The following CDC27 variants were observed in gnomAD, a reference collection of about 807,000 sequenced individuals.
CDC27 encodes the protein cell division cycle protein 27 homolog.
In CDC27, 27 loss-of-function variants were observed where a neutral mutation model predicts 109.7. That is an observed-to-expected ratio of 0.25 (90% CI 0.18 to 0.34). The LOEUF (loss-of-function observed/expected upper bound fraction) is 0.34. Among genes scored for constraint, CDC27 ranks in the 10% least tolerant of loss-of-function variants. CDC27 has a pLI of 1.00. For synonymous variants in CDC27, 266 were observed against 333.9 expected (o/e 0.80, Z 2.22); for missense variants, 579 against 960.2 (o/e 0.60, Z 5.25).
chr17:47,143,097 C>T (rs2062848299), intron 10 of CDC27, among the ~76,000 whole-genome samples: 1 of 152,030 alleles, frequency 6.6e-6, no homozygotes, highest in African/African-American at 2.4e-5. Flanking sequence ...CACAGCCTCC[C>T]AAGCAGCTGG....
At chr17:47,152,993 A>G (rs1288713326) in intron 8 of CDC27, among the ~76,000 whole-genome samples, 1 of 152,160 alleles carries the variant, frequency 6.6e-6, no homozygotes, top group African/African-American at 2.4e-5. Context: ...CTCTATGACT[A>G]ACTTTCTACT....
chr17:47,139,123 C>T (rs949279162), intron 12 of CDC27, among the ~76,000 whole-genome samples: 1 of 152,064 alleles, frequency 6.6e-6, no homozygotes, highest in South Asian at 2.1e-4. Flanking sequence ...ATGGTAAGAA[C>T]ATGAACTCTG....
chr17:47,166,010 T>C (rs2063632541), intron 4 of CDC27, among the ~76,000 whole-genome samples: 1 of 152,248 alleles, frequency 6.6e-6, no homozygotes. Context: ...GTGGAATTAC[T>C]GGCTCAAATA....
chr17:47,135,919 T>A (rs1287460134), intron 14 of CDC27, among the ~76,000 whole-genome samples: 1 of 152,028 alleles, frequency 6.6e-6, no homozygotes, highest in Non-Finnish European at 1.5e-5. Flanking sequence ...AGTGGGTGGA[T>A]CATGAGGTCA....
At position 47,124,256 on chromosome 17, in the gene CDC27, C is replaced by CTATCT. The variant is rs1555780287; in HGVS notation, c.2161-297_2161-296insAGATA. Among the ~76,000 whole-genome samples the CTATCT allele has an allele frequency of 5.4e-5, 8 of 148,282 alleles. No homozygotes were observed. The East Asian group carries it at 7.9e-4, about 15-fold the overall frequency. On this transcript the variant is annotated intron_variant, in intron 16 of 18. Transcript: ENST00000066544. The stretch of plus-strand genomic sequence containing the variant: ...GGTGGTAACAATCCTTGCTTTTGGT[C>CTATCT]ATCTATCTATCTATCTATCTATCTA...
Position 47,129,541 on chromosome 17 carries a change from T to A in CDC27, c.2032-20A>T. 1 of 1,555,658 alleles carries A rather than the reference T, an allele frequency of 6.4e-7. No homozygotes were observed. The highest frequency in any genetic ancestry group is 1.2e-5 in the South Asian group (1 of 86,024). ...TTGAACCTGTAAGAAATAAAGATCA[T>A]GTTAATACTCCCTCTTGATATTTAT... is the stretch of plus-strand genomic sequence containing the variant. On this transcript the variant is annotated intron_variant, in intron 15 of 18. Transcript: ENST00000066544.
At chr17:47,162,941 T>C (rs1366649568) in intron 4 of CDC27, among the ~76,000 whole-genome samples, 2 of 152,148 alleles carry the variant, frequency 1.3e-5, no homozygotes, top group African/African-American at 4.8e-5. Context: ...GGTGTGGAAT[T>C]ATAATAATCT....
chr17:47,150,112 A>G (rs1408599937), intron 9 of CDC27, among the ~76,000 whole-genome samples: 1 of 152,252 alleles, frequency 6.6e-6, no homozygotes, highest in Non-Finnish European at 1.5e-5. Flanking sequence ...GAGGAGCACG[A>G]AAGTATACTA....
Position 47,151,896 on chromosome 17 carries a change from G to A in CDC27, c.980C>T (p.Thr327Ile), listed in dbSNP as rs745450296. 6.2e-7 allele frequency: 1 copy of A among 1,606,410 alleles called. No individual in the cohort carries two copies. ...CTGTGAGAAGACAGACTTTGTTCCA[G>A]TTTGGCCGATTCTGGCAACAGACTG... Reference protein sequence around the residue: ...SKKSVARIGQTGTKSVFSQSG... With the variant: ...SKKSVARIGQIGTKSVFSQSG... The change falls in exon 9 of 19, where the codon ACT (threonine) becomes ATT (isoleucine). Residue 327 changes from threonine to isoleucine, a missense_variant. Thr to Ile is a moderately conservative substitution (Grantham distance 89). Coordinates refer to ENST00000066544, the MANE Select transcript of CDC27 (RefSeq NM_001256.6).
chr17:47,179,544 G>A (rs1196460184), intron 2 of CDC27, among the ~76,000 whole-genome samples: 1 of 152,122 alleles, frequency 6.6e-6, no homozygotes, highest in African/African-American at 2.4e-5. Flanking sequence ...TATTTGATAG[G>A]ATTATTGAAG....
At chr17:47,125,448 T>C (rs1319986045) in intron 16 of CDC27, among the ~76,000 whole-genome samples, 2 of 150,388 alleles carry the variant, frequency 1.3e-5, no homozygotes, top group Admixed American at 6.7e-5. Flanking sequence ...GGTTTCACCA[T>C]ATTGGCCAGC....
At chr17:47,147,830 GT>G in intron 9 of CDC27, among the ~76,000 whole-genome samples, 1 of 147,626 alleles carries the variant, frequency 6.8e-6, no homozygotes, top group Non-Finnish European at 1.5e-5. Flanking sequence ...GAGCCAAGGA[GT>G]TTGAGGCTAC....
intron 15 of CDC27, 65 bp from the exon 16 acceptor site, chr17:47,129,586 C>T (rs139863906): frequency 2.2e-5 from 26 of 1,185,282 alleles, no homozygotes; most frequent in African/African-American, 2.0e-4. Context: ...TGAGAACCAA[C>T]GTGACTCAAA....
At chr17:47,142,050 A>G in intron 11 of CDC27, 25 bp from the exon 12 acceptor site, 1 of 1,533,454 alleles carries the variant, frequency 6.5e-7, no homozygotes, top group Non-Finnish European at 8.8e-7. Flanking sequence ...CATAGTAAAC[A>G]AAGGAAAAAA....
chr17:47,153,217 G>C (rs1297901769), intron 8 of CDC27, among the ~76,000 whole-genome samples: 3 of 152,194 alleles, frequency 2.0e-5, no homozygotes, highest in Non-Finnish European at 4.4e-5. Context: ...ACTTTTCTGG[G>C]AATGTCTTGT....
intron 2 of CDC27, among the ~76,000 whole-genome samples, chr17:47,173,830 T>G (rs1443678089): frequency 6.6e-6 from 1 of 152,196 alleles, no homozygotes; most frequent in Non-Finnish European, 1.5e-5. Flanking sequence ...TGGTGGCTCA[T>G]GCCTGTAATC....
At chr17:47,179,003 T>C (rs1171486519) in intron 2 of CDC27, among the ~76,000 whole-genome samples, 2 of 152,168 alleles carry the variant, frequency 1.3e-5, no homozygotes, top group Non-Finnish European at 2.9e-5. Context: ...GGTTTCTCCA[T>C]GTTGGTCAGG....
rs560753796 is a variant in CDC27 at position 47,148,738 on chromosome 17, A to G, written c.1070+3068T>C. Among the ~76,000 whole-genome samples the G allele has an allele frequency of 2.6e-5, 4 of 152,324 alleles. No individual in the cohort carries two copies. In the East Asian group the frequency reaches 7.7e-4, roughly 29 times the overall value. ...GACAGCAGATTTCTTGTCAGAAACA[A>G]TATAAGCCAAAAAACCAGTAAAGCA... On this transcript the variant is annotated intron_variant, in intron 9 of 18. Coordinates refer to ENST00000066544, the MANE Select transcript of CDC27 (RefSeq NM_001256.6).
intron 10 of CDC27, among the ~76,000 whole-genome samples, chr17:47,142,832 C>T (rs929534582): frequency 4.1e-4 from 62 of 152,190 alleles, no homozygotes; most frequent in African/African-American, 1.5e-3. Flanking sequence ...GCATGAGCCA[C>T]CACGCCCGGT....
Sources: gnomAD v4.1 joint callset for allele counts (sites outside exome capture counted in the v4.1 genomes callset) on GRCh38, gnomAD v4.1.1 for gene constraint, MANE v1.5 for transcripts, NCBI Gene and HGNC (gene_info 2026-07-23, HGNC 2026-07-21) for gene names.